MIA2: variants seen among roughly 807,000 people sequenced by gnomAD.
MIA2 encodes melanoma inhibitory activity protein 2.
A neutral mutation model predicts 167.8 loss-of-function variants in MIA2; 127 were observed. The observed-to-expected ratio is 0.76, with a 90% CI of 0.66 to 0.88. The LOEUF (loss-of-function observed/expected upper bound fraction) is 0.88. Ranked by LOEUF, MIA2 falls within the 40% of genes least tolerant of loss-of-function variation. The pLI, the probability that MIA2 is intolerant of heterozygous loss-of-function variation, is 0.00. For synonymous variants in MIA2, 552 were observed against 541.9 expected, an observed-to-expected ratio of 1.02 and a Z score of -0.26; for missense variants, 1,690 against 1,624.7, an observed-to-expected ratio of 1.04 and a Z score of -0.69.
intron 25 of MIA2, among the ~76,000 whole-genome samples, chr14:39,331,588 C>T (rs2068886249): frequency 6.6e-6 from 1 of 152,174 alleles, no homozygotes; most frequent in African/African-American, 2.4e-5. Context: ...TTTGCAGTGG[C>T]TGGTAGCGGT....
intron 9 of MIA2, among the ~76,000 whole-genome samples, chr14:39,282,255 ACTTT>A (rs1326076457): frequency 1.3e-5 from 2 of 152,132 alleles, no homozygotes; most frequent in Non-Finnish European, 2.9e-5. Flanking sequence ...TATGTATTTG[ACTTT>A]CTTTTATGTA....
chr14:39,324,251 C>G (rs1449197504), intron 24 of MIA2, among the ~76,000 whole-genome samples: 3 of 152,184 alleles, frequency 2.0e-5, no homozygotes, highest in African/African-American at 4.8e-5. Context: ...TCCTTTAAAT[C>G]TCTGTGCTTC....
chr14:39,296,867 C>T (rs1449514560), intron 13 of MIA2, among the ~76,000 whole-genome samples: 1 of 151,712 alleles, frequency 6.6e-6, no homozygotes, highest in Non-Finnish European at 1.5e-5. Context: ...CCTCCACCTC[C>T]CGCGTTCAAG....
chr14:39,296,382 C>A (rs556835354), intron 13 of MIA2, among the ~76,000 whole-genome samples: 1 of 151,822 alleles, frequency 6.6e-6, no homozygotes, highest in South Asian at 2.1e-4. Context: ...TCCAATATTG[C>A]TTTTAAGAAG....
intron 6 of MIA2, among the ~76,000 whole-genome samples, chr14:39,273,442 TC>T (rs537903874): frequency 3.3e-3 from 508 of 152,206 alleles, no homozygotes; most frequent in African/African-American, 0.011. Context: ...CGTCTCGACT[TC>T]CTGGGCACAG....
intron 6 of MIA2, chr14:39,265,174 T>C (rs1285458660): frequency 1.0e-5 from 5 of 490,056 alleles, no homozygotes; most frequent in African/African-American, 6.0e-5. Context: ...TATATATATA[T>C]ATACTTAACA....
chr14:39,268,820 T>C (rs567091089), intron 6 of MIA2, among the ~76,000 whole-genome samples: 4 of 152,306 alleles, frequency 2.6e-5, no homozygotes, highest in South Asian at 4.1e-4. Flanking sequence ...TTTGACTTTA[T>C]TGATTGCATG....
At chr14:39,279,802 A>G (rs750086332) in intron 9 of MIA2, among the ~76,000 whole-genome samples, 4 of 152,118 alleles carry the variant, frequency 2.6e-5, no homozygotes, top group Non-Finnish European at 5.9e-5. Context: ...GCATGTGCAC[A>G]TTTCTGGTAT....
At chr14:39,349,074 A>C in intron 28 of MIA2, 97 bp downstream of exon 28, 1 of 1,413,336 alleles carries the variant, frequency 7.1e-7, no homozygotes, top group Non-Finnish European at 9.6e-7. Flanking sequence ...ACAGTGGAGG[A>C]AAGTTTTTTC....
chr14:39,286,245 C>T (rs1217001765), intron 9 of MIA2, among the ~76,000 whole-genome samples: 1 of 152,246 alleles, frequency 6.6e-6, no homozygotes, highest in Non-Finnish European at 1.5e-5. Flanking sequence ...GAGCTGGAGA[C>T]CAGCCCGGCC....
intron 18 of MIA2, 28 bp from the exon 19 acceptor site, chr14:39,313,309 TAAG>T (rs2064693290): frequency 8.5e-7 from 1 of 1,174,552 alleles, no homozygotes; most frequent in African/African-American, 1.5e-5. Context: ...TGACATGTAT[TAAG>T]AGAATTATAA....
Position 39,237,108 on chromosome 14 carries a change from A to T in MIA2, c.249+53A>T, listed in dbSNP as rs571787792. On this transcript the variant is annotated intron_variant, in intron 2 of 28. Transcript: ENST00000640607. ...GCAGAATAAATGACCAACTTGCACA[A>T]AGATTCCTTCCTTTTCTTTTCTTTT... 6.3e-6 allele frequency: 10 copies of T among 1,588,924 alleles called. No individual in the cohort carries two copies. The East Asian group carries it at 1.8e-4, about 29-fold the overall frequency.
At chr14:39,314,343 C>T (rs976325807) in intron 19 of MIA2, among the ~76,000 whole-genome samples, 4 of 150,206 alleles carry the variant, frequency 2.7e-5, no homozygotes, top group South Asian at 2.1e-4. Context: ...GCCGAGATTA[C>T]GCCACTGCAC....
At chr14:39,291,613 A>T (rs564130395) in intron 10 of MIA2, among the ~76,000 whole-genome samples, 174 of 152,014 alleles carry the variant, frequency 1.1e-3, no homozygotes, top group African/African-American at 4.0e-3. Context: ...CTTTTTTTTT[A>T]AAAAGCAGCC....
chr14:39,280,936 T>A (rs1466334500), intron 9 of MIA2, among the ~76,000 whole-genome samples: 1 of 40,402 alleles, frequency 2.5e-5, no homozygotes, highest in Non-Finnish European at 4.4e-5. Flanking sequence ...TTTTTTTTTT[T>A]GAGACAGCGT....
intron 6 of MIA2, among the ~76,000 whole-genome samples, chr14:39,274,581 ATGCC>A (rs1249494106): frequency 6.6e-6 from 1 of 150,612 alleles, no homozygotes; most frequent in Non-Finnish European, 1.5e-5. Flanking sequence ...TTACGCCACC[ATGCC>A]CAGCTAATTT....
intron 9 of MIA2, among the ~76,000 whole-genome samples, chr14:39,286,338 G>A (rs1298189263): frequency 6.6e-6 from 1 of 151,912 alleles, no homozygotes; most frequent in East Asian, 1.9e-4. Flanking sequence ...GCAGGCACTC[G>A]GCAGGCTGAG....
Position 39,303,437 on chromosome 14 carries a change from A to G in MIA2, c.2741-41A>G, listed in dbSNP as rs867288698. ...TTGATGTCTATTGTCGTATTGTACT[A>G]TTTTCCCAAATCATTGTTGTGCTTT... is the stretch of plus-strand genomic sequence containing the variant. On this transcript the variant is annotated intron_variant, in intron 15 of 28. Transcript: ENST00000640607. The G allele has an allele frequency of 1.0e-5, 15 of 1,503,870 alleles. 1 individual carries two copies. The Middle Eastern group carries it at 1.1e-3, about 114-fold the overall frequency. 93.2% of individuals were successfully genotyped at this position (1,503,870 alleles called of 1,614,324 possible).
chr14:39,266,534 G>A (rs1162010889), intron 6 of MIA2: 4 of 985,496 alleles, frequency 4.1e-6, no homozygotes, highest in Non-Finnish European at 4.8e-6. Flanking sequence ...TCAGGTAAGC[G>A]AGGAAACCAG....
Sources: allele counts gnomAD v4.1 joint callset (sites outside exome capture counted in the v4.1 genomes callset), GRCh38; gene constraint gnomAD v4.1.1; transcripts MANE v1.5; gene names NCBI Gene and HGNC (gene_info 2026-07-23, HGNC 2026-07-21).